The following BIRC6 variants were observed in gnomAD, a reference collection of about 807,000 sequenced individuals.
The protein encoded by BIRC6 is baculoviral IAP repeat containing 6.
A neutral mutation model predicts 503.3 loss-of-function variants in BIRC6; 98 were observed. That is an observed-to-expected ratio of 0.19 (90% CI 0.17 to 0.23). The LOEUF (loss-of-function observed/expected upper bound fraction) is 0.23. Among genes scored for constraint, BIRC6 ranks in the 10% least tolerant of loss-of-function variants. BIRC6 has a pLI of 1.00. For synonymous variants in BIRC6, 2,240 were observed against 2,078.7 expected (o/e 1.08, Z -2.11); for missense variants, 5,360 against 5,806.0 (o/e 0.92, Z 2.50).
chr2:32,436,242 GAAAA>G, intron 15 of BIRC6, 58 bp downstream of exon 15: 1 of 1,284,262 alleles, frequency 7.8e-7, no homozygotes, highest in South Asian at 2.3e-5. Context: ...TAAAAAAGAC[GAAAA>G]AAAACTGATC....
intron 46 of BIRC6, among the ~76,000 whole-genome samples, chr2:32,500,538 CTA>C (rs1047788745): frequency 3.9e-5 from 6 of 152,000 alleles, no homozygotes; most frequent in African/African-American, 1.4e-4. Flanking sequence ...CTGCCTCAGC[CTA>C]CCGAGTAGCT....
intron 23 of BIRC6, among the ~76,000 whole-genome samples, chr2:32,458,850 C>T (rs1292753728): frequency 6.6e-6 from 1 of 151,822 alleles, no homozygotes; most frequent in Admixed American, 6.6e-5. Context: ...GCACCACCAT[C>T]AGTGAATTTT....
chr2:32,368,137 C>T (rs1271317778), intron 1 of BIRC6, among the ~76,000 whole-genome samples: 5 of 151,922 alleles, frequency 3.3e-5, no homozygotes, highest in African/African-American at 9.7e-5. Flanking sequence ...GCTTGGGCCC[C>T]AGTATTCTGA....
intron 9 of BIRC6, among the ~76,000 whole-genome samples, chr2:32,411,121 C>G (rs2041825646): frequency 6.6e-6 from 1 of 151,964 alleles, no homozygotes; most frequent in Non-Finnish European, 1.5e-5. Context: ...TCACTGCAAC[C>G]TCTGCCTCCC....
At chr2:32,596,168 C>T (rs879689319) in intron 68 of BIRC6, among the ~76,000 whole-genome samples, 2 of 151,990 alleles carry the variant, frequency 1.3e-5, no homozygotes, top group Non-Finnish European at 2.9e-5. Context: ...ACATAAATTA[C>T]CCCTGTAACT....
chr2:32,464,869 T>A (rs372375190), intron 25 of BIRC6, 46 bp downstream of exon 25: 2 of 1,540,046 alleles, frequency 1.3e-6, no homozygotes, highest in Non-Finnish European at 1.7e-6. Context: ...TTTAAAAATA[T>A]CTTGAAATAT....
At chr2:32,497,022 T>C (rs2052561850) in intron 45 of BIRC6, among the ~76,000 whole-genome samples, 1 of 152,208 alleles carries the variant, frequency 6.6e-6, no homozygotes, top group Non-Finnish European at 1.5e-5. Flanking sequence ...CTTTTTTAGA[T>C]ATGTGATAGT....
chr2:32,587,379 T>C (rs1326106089), intron 66 of BIRC6, among the ~76,000 whole-genome samples: 2 of 151,640 alleles, frequency 1.3e-5, no homozygotes, highest in Non-Finnish European at 2.9e-5. Flanking sequence ...AGAACGAGAC[T>C]CCGTCTCAAA....
chr2:32,496,193 A>G (rs999273358), intron 45 of BIRC6, among the ~76,000 whole-genome samples: 4 of 151,780 alleles, frequency 2.6e-5, no homozygotes, highest in African/African-American at 4.8e-5. Context: ...TAGTTTTTCA[A>G]ATATCAATCA....
At chr2:32,584,971 A>T (rs1040931632) in intron 66 of BIRC6, among the ~76,000 whole-genome samples, 2 of 152,186 alleles carry the variant, frequency 1.3e-5, no homozygotes, top group African/African-American at 4.8e-5. Context: ...AGAAAAAAAT[A>T]TACCAGATTA....
At chr2:32,524,680 G>T in intron 57 of BIRC6, 1 of 234,596 alleles carries the variant, frequency 4.3e-6, no homozygotes, top group African/African-American at 2.3e-5. Context: ...TAAATATTCT[G>T]GCTTAAGTAC....
At position 32,357,216 on chromosome 2, in the gene BIRC6, A is replaced by G. The variant is rs1051001712; in HGVS notation, c.55A>G (p.Ser19Gly). 20 of 1,536,064 alleles carry G rather than the reference A, an allele frequency of 1.3e-5. No homozygotes were observed. The highest frequency in any genetic ancestry group is 1.7e-5 in the Non-Finnish European group (20 of 1,146,044). The part of the protein sequence containing the change: ...PPGTVTEPLP[S>G]VIVLSAGRKM... ...CGGGACTGTCACTGAGCCGCTTCCC[A>G]GTGTGATTGTGCTGAGCGCAGGCCG... The change falls in exon 1 of 74, where the codon AGT (serine) becomes GGT (glycine). Residue 19 changes from serine to glycine, a missense_variant. Transcript: ENST00000421745. The surrounding 1 kb of genome is among the most constrained non-coding windows in gnomAD (Gnocchi z 4.9).
chr2:32,560,104 A>T (rs1379303004), intron 65 of BIRC6, among the ~76,000 whole-genome samples: 1 of 152,260 alleles, frequency 6.6e-6, no homozygotes, highest in Non-Finnish European at 1.5e-5. Context: ...ATATGCATTA[A>T]TATAGAATTT....
intron 6 of BIRC6, among the ~76,000 whole-genome samples, chr2:32,396,445 A>G (rs889663150): frequency 6.6e-6 from 1 of 152,212 alleles, no homozygotes; most frequent in African/African-American, 2.4e-5. Context: ...TGCATGGGGC[A>G]AACTTGCTAA....
At chr2:32,414,573 A>G (rs2042224133) in intron 9 of BIRC6, among the ~76,000 whole-genome samples, 196 bp from the exon 10 acceptor site, 1 of 152,154 alleles carries the variant, frequency 6.6e-6, no homozygotes, top group Non-Finnish European at 1.5e-5. Context: ...AGGCTGAGGC[A>G]CTAGAATCAC....
intron 9 of BIRC6, among the ~76,000 whole-genome samples, chr2:32,407,452 A>C (rs1024866173): frequency 9.3e-5 from 14 of 151,238 alleles, no homozygotes; most frequent in Non-Finnish European, 5.9e-5. Context: ...TCTCAAAAAA[A>C]AAAAAAAAAA....
Position 32,575,258 on chromosome 2 carries a change from C to G in BIRC6, c.13247C>G (p.Ser4416Cys). ...ATGGTGCCCCTATTGTTGCCCCTTT[C>G]TACAGAGAACGGTGAAGAGGAAGAA... ...AAMVPLLLPL[S>C]TENGEEEEEQ... The change falls in exon 66 of 74, where the codon TCT becomes TGT. Residue 4416 changes from serine to cysteine, a missense_variant. By Grantham distance (112) the Ser-to-Cys change is moderately radical. This residue lies in a region of BIRC6 where 477 missense variants were observed against 574.4 expected (regional missense o/e 0.83). Transcript: ENST00000421745. 1 of 1,613,976 alleles carries G rather than the reference C, an allele frequency of 6.2e-7. No homozygotes were observed. Among genetic ancestry groups the G allele is most frequent in the Non-Finnish European group, 8.5e-7 (1 of 1,179,876 alleles).
At chr2:32,462,887 G>A (rs141943229) in intron 23 of BIRC6, among the ~76,000 whole-genome samples, 26 of 151,736 alleles carry the variant, frequency 1.7e-4, no homozygotes, top group Middle Eastern at 3.4e-3. Context: ...ACCCAGACGT[G>A]GAGGTTGCAG....
chr2:32,524,523 A>G (rs994638970), intron 57 of BIRC6, among the ~76,000 whole-genome samples: 6 of 152,156 alleles, frequency 3.9e-5, no homozygotes, highest in Admixed American at 1.3e-4. Context: ...ATTCATTTCT[A>G]TGTTGCGAGG....
Sources: gnomAD v4.1 joint callset for allele counts (sites outside exome capture counted in the v4.1 genomes callset) on GRCh38, gnomAD v4.1.1 for gene constraint, gnomAD v4.1.1 regional missense constraint, Gnocchi (gnomAD v3.1) non-coding constraint, MANE v1.5 for transcripts, NCBI Gene and HGNC (gene_info 2026-07-23, HGNC 2026-07-21) for gene names.